NRG1: variants seen among roughly 807,000 people sequenced by gnomAD.
The protein encoded by NRG1 is neuregulin 1.
NRG1 carries 18 observed loss-of-function variants against 63.8 expected under a neutral mutation model. The ratio of observed to expected loss-of-function variants is 0.28; its 90% CI spans 0.19 to 0.42. The LOEUF is 0.42. NRG1 is among the 10% of genes least tolerant of loss of function. The pLI, the probability that NRG1 is intolerant of heterozygous loss-of-function variation, is 1.00. For synonymous variants in NRG1, 302 were observed against 301.3 expected, an observed-to-expected ratio of 1.00 and a Z score of -0.02; for missense variants, 762 against 814.7, an observed-to-expected ratio of 0.94 and a Z score of 0.79.
intron 1 of NRG1, among the ~76,000 whole-genome samples, chr8:32,388,346 G>C (rs1811287861): frequency 1.3e-5 from 2 of 152,210 alleles, no homozygotes; most frequent in Admixed American, 1.3e-4. Flanking sequence ...AAAGCCAAGA[G>C]AGGATATGTT....
At chr8:32,179,325 C>A (rs765545935) in intron 1 of NRG1, among the ~76,000 whole-genome samples, 1 of 151,592 alleles carries the variant, frequency 6.6e-6, no homozygotes, top group Non-Finnish European at 1.5e-5. Flanking sequence ...TCCCTGACAA[C>A]AACACATCCA....
At chr8:32,621,792 C>T (rs996575219) in intron 5 of NRG1, among the ~76,000 whole-genome samples, 3 of 152,148 alleles carry the variant, frequency 2.0e-5, no homozygotes, top group Admixed American at 6.5e-5. Flanking sequence ...TTACACTGTA[C>T]GTTGAAACTG....
intron 1 of NRG1, among the ~76,000 whole-genome samples, chr8:32,373,556 G>A (rs76102400): frequency 0.068 from 10,423 of 152,184 alleles, 396 homozygotes; most frequent in Middle Eastern, 0.1. Flanking sequence ...AATTTAATGG[G>A]ATGGTATTAA....
intron 1 of NRG1, among the ~76,000 whole-genome samples, chr8:31,649,797 C>T (rs773540481): frequency 1.4e-4 from 21 of 152,236 alleles, no homozygotes; most frequent in Admixed American, 5.2e-4. Flanking sequence ...ATTCATATTG[C>T]TATCAGTGTA....
chr8:32,538,088 G>C (rs1455223613), intron 1 of NRG1, among the ~76,000 whole-genome samples: 1 of 152,074 alleles, frequency 6.6e-6, no homozygotes, highest in Non-Finnish European at 1.5e-5. Flanking sequence ...CTGACCTCAA[G>C]TGATCCACCT....
intron 1 of NRG1, among the ~76,000 whole-genome samples, chr8:31,652,610 C>T (rs1804961293): frequency 6.6e-6 from 1 of 152,126 alleles, no homozygotes; most frequent in African/African-American, 2.4e-5. Context: ...TTCTCTTTTC[C>T]CAGAATGGTC....
At chr8:31,792,159 G>C (rs1820780348) in intron 1 of NRG1, among the ~76,000 whole-genome samples, 2 of 152,146 alleles carry the variant, frequency 1.3e-5, no homozygotes, top group South Asian at 2.1e-4. Context: ...TATTTAGAAT[G>C]AAAAGCACAT....
chr8:31,935,712 C>T lies in NRG1; in HGVS notation c.37+296281C>T, dbSNP rs577180305. On this transcript the variant is annotated intron_variant, in intron 1 of 10. Coordinates refer to the NRG1 transcript ENST00000519301. Reference sequence around the variant, plus strand: ...TATCTGTGACTCTGTCTCCAAGAAGCTCTTCGAGGCCAGACAGCAGCATCT... The same window carrying T: ...TATCTGTGACTCTGTCTCCAAGAAGTTCTTCGAGGCCAGACAGCAGCATCT... Among the ~76,000 whole-genome samples, 48 of 152,334 alleles carry T rather than the reference C, an allele frequency of 3.2e-4. No homozygotes were observed. The South Asian group carries it at 6.6e-3, about 21-fold the overall frequency.
intron 7 of NRG1, among the ~76,000 whole-genome samples, chr8:32,773,022 C>T (rs1361144115): frequency 6.6e-6 from 1 of 152,150 alleles, no homozygotes; most frequent in African/African-American, 2.4e-5. Flanking sequence ...CCCTTATCTT[C>T]CCAGCTCTTC....
intron 1 of NRG1, among the ~76,000 whole-genome samples, chr8:32,306,996 A>G (rs1331428676): frequency 6.6e-6 from 1 of 152,198 alleles, no homozygotes; most frequent in African/African-American, 2.4e-5. Flanking sequence ...CATTGCTCTC[A>G]CTTCCCAGAT....
chr8:32,520,264 T>C (rs569840119), intron 1 of NRG1, among the ~76,000 whole-genome samples: 2 of 151,746 alleles, frequency 1.3e-5, no homozygotes, highest in South Asian at 4.2e-4. Context: ...CGGGCTTAAG[T>C]AATACTCCCA....
intron 1 of NRG1, among the ~76,000 whole-genome samples, chr8:32,389,384 G>T (rs1012711876): frequency 2.0e-5 from 3 of 152,148 alleles, no homozygotes; most frequent in Non-Finnish European, 2.9e-5. Flanking sequence ...AGACCTAGTC[G>T]CAGGTCTTGT....
chr8:32,608,083 G>GTT (rs372730003), intron 3 of NRG1, among the ~76,000 whole-genome samples: 3 of 99,320 alleles, frequency 3.0e-5, no homozygotes, highest in African/African-American at 4.4e-5. Context: ...ATGAACCCAG[G>GTT]TTTTTTTTGT....
At chr8:32,424,063 T>C (rs1817029823) in intron 1 of NRG1, among the ~76,000 whole-genome samples, 1 of 152,228 alleles carries the variant, frequency 6.6e-6, no homozygotes, top group Non-Finnish European at 1.5e-5. Context: ...ATCCAGCAGC[T>C]ATCCGGGTAC....
intron 1 of NRG1, among the ~76,000 whole-genome samples, chr8:31,706,958 T>C (rs1462823785): frequency 1.3e-5 from 2 of 152,108 alleles, no homozygotes; most frequent in African/African-American, 4.8e-5. Flanking sequence ...GTAAAAAATG[T>C]TTCAGAATTA....
At chr8:31,896,062 G>A (rs145368478) in intron 1 of NRG1, among the ~76,000 whole-genome samples, 20 of 152,244 alleles carry the variant, frequency 1.3e-4, no homozygotes, top group African/African-American at 4.8e-4. Context: ...CTGAATTTCA[G>A]TAAAATTAAA....
intron 1 of NRG1, among the ~76,000 whole-genome samples, chr8:32,595,497 C>A (rs937243227): frequency 8.5e-5 from 13 of 152,048 alleles, no homozygotes; most frequent in African/African-American, 3.1e-4. Flanking sequence ...CCTACATACG[C>A]TCCTTTAACA....
intron 1 of NRG1, among the ~76,000 whole-genome samples, chr8:32,573,996 G>A (rs1839143207): frequency 6.6e-6 from 1 of 152,100 alleles, no homozygotes. Context: ...CATTTTTTAT[G>A]GCTGCATAGT....
At chr8:32,146,917 T>TACCCAAA (rs1836927238) in intron 1 of NRG1, among the ~76,000 whole-genome samples, 1 of 152,132 alleles carries the variant, frequency 6.6e-6, no homozygotes, top group South Asian at 2.1e-4. Context: ...AAAGGGTATG[T>TACCCAAA]ACCCAAGAAG....
Sources: gnomAD v4.1 joint callset for allele counts (sites outside exome capture counted in the v4.1 genomes callset) on GRCh38, gnomAD v4.1.1 for gene constraint, MANE v1.5 for transcripts, NCBI Gene and HGNC (gene_info 2026-07-23, HGNC 2026-07-21) for gene names.